The following PKIG variants were observed in gnomAD, a reference collection of about 807,000 sequenced individuals.
The protein encoded by PKIG is protein kinase (cAMP-dependent, catalytic) inhibitor gamma.
PKIG carries 1 observed loss-of-function variant against 6.8 expected under a neutral mutation model. The observed-to-expected ratio is 0.15, with a 90% CI of 0.05 to 0.69. PKIG has a LOEUF of 0.69. Ranked by LOEUF, PKIG falls within the 30% of genes least tolerant of loss-of-function variation. PKIG has a pLI of 0.82. For synonymous variants in PKIG, 39 were observed against 43.0 expected, an observed-to-expected ratio of 0.91 and a Z score of 0.36; for missense variants, 77 against 104.0, an observed-to-expected ratio of 0.74 and a Z score of 1.13.
In PKIG at chr20:44,593,498, G is replaced by C. The variant is rs563214706; in HGVS notation, c.-24+3632G>C. 5.0e-4 allele frequency among the ~76,000 whole-genome samples: 76 copies of C among 151,898 alleles called. 1 individual carries two copies. Among genetic ancestry groups the C allele is most frequent in the Admixed American group, 2.8e-3 (42 of 15,228 alleles). On this transcript the variant is annotated intron_variant, in intron 2 of 3. Transcript: ENST00000372886. The stretch of plus-strand genomic sequence containing the variant: ...GAGGACATTGTGCTAAGTGAAATAG[G>C]GCAGACACAGAAAGACAAATACTAC...
At position 44,587,299 on chromosome 20, in the gene PKIG, C is replaced by T. The variant is rs189447741; in HGVS notation, c.-93-2498C>T. On this transcript the variant is annotated intron_variant, in intron 1 of 3. Transcript: ENST00000372886. ...GCATATTGTGGAGGTCCTGATCTTGCGCTGGGTTGATTCCTTCTGCTCTCT... is the reference window on the plus strand; with the variant it reads ...GCATATTGTGGAGGTCCTGATCTTGTGCTGGGTTGATTCCTTCTGCTCTCT... Among the ~76,000 whole-genome samples the T allele has an allele frequency of 1.1e-3, 164 of 152,298 alleles. 2 individuals are homozygous for T. Among genetic ancestry groups the T allele is most frequent in the Admixed American group, 2.0e-3 (31 of 15,302 alleles).
chr20:44,551,726 G>A (rs929537234), intron 1 of PKIG, among the ~76,000 whole-genome samples: 4 of 152,182 alleles, frequency 2.6e-5, no homozygotes, highest in African/African-American at 4.8e-5. Context: ...TCTGCTGAAG[G>A]AGCTATAGGT....
At chr20:44,606,459 G>A (rs141423990) in intron 2 of PKIG, among the ~76,000 whole-genome samples, 66 of 152,318 alleles carry the variant, frequency 4.3e-4, no homozygotes, top group African/African-American at 1.5e-3. Context: ...GGGCCTTTAA[G>A]AGGTGATTAG....
intron 1 of PKIG, among the ~76,000 whole-genome samples, chr20:44,570,788 A>G (rs946092509): frequency 5.3e-5 from 8 of 152,240 alleles, no homozygotes; most frequent in African/African-American, 1.9e-4. Context: ...GACGCTTAAC[A>G]GAAAGTGACA....
At chr20:44,557,520 CA>C (rs3091847) in intron 1 of PKIG, among the ~76,000 whole-genome samples, 1,145 of 63,522 alleles carry the variant, frequency 0.018, 9 homozygotes, top group Non-Finnish European at 0.024. Context: ...TGACAGGTGA[CA>C]AAAAAAAAAA....
intron 2 of PKIG, among the ~76,000 whole-genome samples, chr20:44,613,252 G>A (rs1003061244): frequency 6.6e-6 from 1 of 152,098 alleles, no homozygotes; most frequent in Non-Finnish European, 1.5e-5. Context: ...TGCAAGTTCT[G>A]CCTCCCGGGT....
chr20:44,572,412 T>C lies in PKIG; in HGVS notation c.-240-10173T>C, dbSNP rs541922766. Among the ~76,000 whole-genome samples, 4 of 152,366 alleles carry C rather than the reference T, an allele frequency of 2.6e-5. No homozygotes were observed. The East Asian group carries it at 7.7e-4, about 29-fold the overall frequency. On this transcript the variant is annotated intron_variant, in intron 1 of 4. Transcript: ENST00000372887. Reference sequence around the variant, plus strand: ...CATGTATTATAATTTAATTTCTGATTCAAGCCTTAAAGAAAATATGTAGTT... The same window carrying C: ...CATGTATTATAATTTAATTTCTGATCCAAGCCTTAAAGAAAATATGTAGTT...
intron 2 of PKIG, among the ~76,000 whole-genome samples, chr20:44,591,997 G>A (rs1276478783): frequency 6.6e-6 from 1 of 152,186 alleles, no homozygotes; most frequent in Admixed American, 6.5e-5. Context: ...AGGGGAGGGA[G>A]CAAACACTGA....
At chr20:44,616,391 C>T (rs1265491765) in intron 3 of PKIG, among the ~76,000 whole-genome samples, 1 of 152,292 alleles carries the variant, frequency 6.6e-6, no homozygotes. Flanking sequence ...AATGGCTGTT[C>T]ATTGACCGAC....
At chr20:44,532,704 A>G (rs1314052982) in intron 1 of PKIG, among the ~76,000 whole-genome samples, 1 of 152,198 alleles carries the variant, frequency 6.6e-6, no homozygotes, top group African/African-American at 2.4e-5. Context: ...GTTAGTGTGG[A>G]TGATCAGGGA....
chr20:44,560,726 G>C (rs1241566587), intron 1 of PKIG, among the ~76,000 whole-genome samples: 1 of 152,206 alleles, frequency 6.6e-6, no homozygotes, highest in African/African-American at 2.4e-5. Flanking sequence ...TCTAGGTGTA[G>C]GGAATGTAGA....
intron 3 of PKIG, among the ~76,000 whole-genome samples, chr20:44,617,860 C>T (rs999333441): frequency 2.6e-5 from 4 of 151,632 alleles, no homozygotes; most frequent in Non-Finnish European, 5.9e-5. Context: ...GTCTGGCCAA[C>T]ATGGTGAAAC....
In PKIG at chr20:44,601,055, G is replaced by C. The variant is rs532901401; in HGVS notation, c.-24+11189G>C. On this transcript the variant is annotated intron_variant, in intron 2 of 3. Coordinates refer to ENST00000372886, the MANE Select transcript of PKIG (RefSeq NM_001281445.2). ...CCCGGCAGTAGCAGGTGCCTGTGCA[G>C]ACTGGTTGGAGGGAGGCCCAAAGGG... 6.3e-3 allele frequency among the ~76,000 whole-genome samples: 962 copies of C among 152,296 alleles called. 11 individuals carry two copies. Among genetic ancestry groups the C allele is most frequent in the Non-Finnish European group, 0.01 (704 of 68,028 alleles).
intron 1 of PKIG, among the ~76,000 whole-genome samples, chr20:44,534,685 T>A (rs2123116165): frequency 6.6e-6 from 1 of 152,200 alleles, no homozygotes; most frequent in East Asian, 1.9e-4. Context: ...ACCAGGCTGG[T>A]CTCGAACTCC....
At chr20:44,554,192 C>G (rs1217304603) in intron 1 of PKIG, among the ~76,000 whole-genome samples, 1 of 152,070 alleles carries the variant, frequency 6.6e-6, no homozygotes, top group Non-Finnish European at 1.5e-5. Flanking sequence ...ATTCTCGTGC[C>G]TCAGCCTTCC....
chr20:44,561,600 T>C (rs940068750), intron 1 of PKIG, among the ~76,000 whole-genome samples: 17 of 152,180 alleles, frequency 1.1e-4, no homozygotes, highest in Admixed American at 8.5e-4. Context: ...CAAGTTCTAA[T>C]ATGCATTTAA....
At chr20:44,558,991 A>G (rs1053318290) in intron 1 of PKIG, among the ~76,000 whole-genome samples, 10 of 152,184 alleles carry the variant, frequency 6.6e-5, no homozygotes, top group Non-Finnish European at 1.5e-4. Context: ...TATCACCTAA[A>G]GAATGACAGG....
At chr20:44,544,525 C>T (rs2064592839) in intron 1 of PKIG, among the ~76,000 whole-genome samples, 1 of 152,220 alleles carries the variant, frequency 6.6e-6, no homozygotes. Flanking sequence ...GCTTATCACA[C>T]AGCTTGCAGT....
intron 1 of PKIG, among the ~76,000 whole-genome samples, chr20:44,560,337 C>T (rs2064755984): frequency 6.6e-6 from 1 of 152,154 alleles, no homozygotes; most frequent in South Asian, 2.1e-4. Flanking sequence ...GGTTTACACT[C>T]CCATCTACAA....
Sources: gnomAD v4.1 joint callset for allele counts (sites outside exome capture counted in the v4.1 genomes callset) on GRCh38, gnomAD v4.1.1 for gene constraint, MANE v1.5 for transcripts, NCBI Gene and HGNC (gene_info 2026-07-23, HGNC 2026-07-21) for gene names.